Variants in HS6ST3 observed in about 807,000 individuals in gnomAD.
HS6ST3 encodes heparan sulfate 6-O-sulfotransferase 3.
A neutral mutation model predicts 36.7 loss-of-function variants in HS6ST3; 12 were observed. The observed-to-expected ratio is 0.33, with a 90% CI of 0.21 to 0.53. The LOEUF (loss-of-function observed/expected upper bound fraction) is 0.53. Among genes scored for constraint, HS6ST3 ranks in the 20% least tolerant of loss-of-function variants. The pLI, the probability that HS6ST3 is intolerant of heterozygous loss-of-function variation, is 0.95. For synonymous variants in HS6ST3, 240 were observed against 257.5 expected (o/e 0.93, Z 0.65); for missense variants, 584 against 640.9 (o/e 0.91, Z 0.96).
chr13:96,460,768 A>T (rs532781493), intron 1 of HS6ST3, among the ~76,000 whole-genome samples: 38 of 152,336 alleles, frequency 2.5e-4, no homozygotes, highest in African/African-American at 8.7e-4. Context: ...AGCAGTTTCC[A>T]GTTAAGGAGA....
At chr13:96,335,815 T>G (rs542223339) in intron 1 of HS6ST3, among the ~76,000 whole-genome samples, 26 of 152,220 alleles carry the variant, frequency 1.7e-4, no homozygotes, top group Non-Finnish European at 3.5e-4. Flanking sequence ...TCTTAAAAGA[T>G]AGATAGAAAA....
chr13:96,158,380 G>A (rs1231642360), intron 1 of HS6ST3, among the ~76,000 whole-genome samples: 1 of 151,836 alleles, frequency 6.6e-6, no homozygotes, highest in Admixed American at 6.6e-5. Flanking sequence ...GAAAGTAGAG[G>A]GAACCCCAAG....
At chr13:96,193,282 C>T (rs144651096) in intron 1 of HS6ST3, among the ~76,000 whole-genome samples, 34 of 152,248 alleles carry the variant, frequency 2.2e-4, no homozygotes, top group African/African-American at 7.9e-4. Context: ...TTCTCAAAGC[C>T]GAACGAAATA....
At chr13:96,645,656 A>C (rs893882493) in intron 1 of HS6ST3, among the ~76,000 whole-genome samples, 1 of 151,862 alleles carries the variant, frequency 6.6e-6, no homozygotes, top group Non-Finnish European at 1.5e-5. Context: ...ACACAGTATG[A>C]GCACTGTCTT....
chr13:96,683,364 A>G (rs1442837734), intron 1 of HS6ST3, among the ~76,000 whole-genome samples: 3 of 152,050 alleles, frequency 2.0e-5, no homozygotes, highest in Non-Finnish European at 4.4e-5. Context: ...TTGATGTTTT[A>G]ATTAAACCTT....
intron 1 of HS6ST3, among the ~76,000 whole-genome samples, chr13:96,361,595 A>G (rs947721363): frequency 6.6e-6 from 1 of 152,150 alleles, no homozygotes; most frequent in East Asian, 1.9e-4. Context: ...TAAAACAGAG[A>G]GCGGGCTGCT....
At chr13:96,576,861 T>C (rs963490436) in intron 1 of HS6ST3, among the ~76,000 whole-genome samples, 2 of 146,020 alleles carry the variant, frequency 1.4e-5, no homozygotes, top group Non-Finnish European at 3.0e-5. Context: ...GGAGAATCGC[T>C]TGAACCCAGG....
rs115114877 is a variant in HS6ST3 at position 96,570,445 on chromosome 13, C to G, written c.708-262045C>G. On this transcript the variant is annotated intron_variant, in intron 1 of 1. Transcript: ENST00000376705. ...CCAGATTAATGCGACATTGAAATCTCAGGGTGTTGCACATTAAAAGGATAA... is the reference window on the plus strand; with the variant it reads ...CCAGATTAATGCGACATTGAAATCTGAGGGTGTTGCACATTAAAAGGATAA... 2.4e-3 allele frequency among the ~76,000 whole-genome samples: 370 copies of G among 152,304 alleles called. 1 individual carries two copies. The highest frequency in any genetic ancestry group is 8.4e-3 in the African/African-American group (351 of 41,552).
intron 1 of HS6ST3, among the ~76,000 whole-genome samples, chr13:96,448,866 G>A (rs1346062858): frequency 7.2e-5 from 11 of 152,142 alleles, no homozygotes; most frequent in East Asian, 3.9e-4. Flanking sequence ...TGCCCTGCAC[G>A]TTAGCAGCCA....
At chr13:96,690,866 GTT>G (rs1206616036) in intron 1 of HS6ST3, among the ~76,000 whole-genome samples, 3 of 152,010 alleles carry the variant, frequency 2.0e-5, no homozygotes, top group Admixed American at 2.0e-4. Context: ...AACTATGATT[GTT>G]TTTAAATTTT....
intron 1 of HS6ST3, among the ~76,000 whole-genome samples, chr13:96,518,035 A>G (rs573740781): frequency 6.6e-6 from 1 of 152,328 alleles, no homozygotes; most frequent in South Asian, 2.1e-4. Context: ...GACATAAAAA[A>G]GAATGGGATT....
intron 1 of HS6ST3, among the ~76,000 whole-genome samples, chr13:96,742,733 T>A (rs1258576692): frequency 6.6e-6 from 1 of 152,048 alleles, no homozygotes; most frequent in Non-Finnish European, 1.5e-5. Flanking sequence ...TAAAATAGAG[T>A]CTTATTTTTA....
intron 1 of HS6ST3, among the ~76,000 whole-genome samples, chr13:96,295,594 A>G (rs2054851128): frequency 6.6e-6 from 1 of 152,018 alleles, no homozygotes; most frequent in Non-Finnish European, 1.5e-5. Flanking sequence ...ACTTTGATTA[A>G]CCTTTTATGA....
At chr13:96,733,056 A>G (rs2138478412) in intron 1 of HS6ST3, among the ~76,000 whole-genome samples, 1 of 152,148 alleles carries the variant, frequency 6.6e-6, no homozygotes, top group East Asian at 1.9e-4. Flanking sequence ...AGGGTTTCCT[A>G]TATAAGATGT....
At chr13:96,453,052 G>A (rs2055736463) in intron 1 of HS6ST3, among the ~76,000 whole-genome samples, 1 of 152,004 alleles carries the variant, frequency 6.6e-6, no homozygotes, top group Non-Finnish European at 1.5e-5. Flanking sequence ...GAGTACCCTA[G>A]GTAGATGCTG....
At chr13:96,683,865 A>G (rs1169954560) in intron 1 of HS6ST3, among the ~76,000 whole-genome samples, 1 of 152,082 alleles carries the variant, frequency 6.6e-6, no homozygotes, top group Non-Finnish European at 1.5e-5. Context: ...TCTGAAAACA[A>G]TTAAATGTGA....
chr13:96,477,195 G>A (rs909833013), intron 1 of HS6ST3, among the ~76,000 whole-genome samples: 1 of 152,062 alleles, frequency 6.6e-6, no homozygotes, highest in African/African-American at 2.4e-5. Context: ...TGGAGTTCCT[G>A]ATCAGAATTC....
chr13:96,254,441 AAAAAAAAATATATATATATATATATAT>A (rs2054623987), intron 1 of HS6ST3, among the ~76,000 whole-genome samples: 1 of 44,046 alleles, frequency 2.3e-5, no homozygotes, highest in African/African-American at 8.1e-5. Context: ...AAAAAAAAAA[AAAAAAAAATATATATATATATATATAT>A]ATATATATAT....
intron 1 of HS6ST3, among the ~76,000 whole-genome samples, chr13:96,690,736 G>T (rs1201803172): frequency 2.6e-5 from 4 of 152,036 alleles, no homozygotes; most frequent in African/African-American, 9.7e-5. Context: ...CTACCTAGGG[G>T]TAGGGAAATA....
Sources: gnomAD v4.1 joint callset for allele counts (sites outside exome capture counted in the v4.1 genomes callset) on GRCh38, gnomAD v4.1.1 for gene constraint, MANE v1.5 for transcripts, NCBI Gene and HGNC (gene_info 2026-07-23, HGNC 2026-07-21) for gene names.